The following EZH2 variants were observed in gnomAD, a reference collection of about 807,000 sequenced individuals.
EZH2 encodes the protein histone-lysine N-methyltransferase EZH2.
In EZH2, 18 loss-of-function variants were observed where a neutral mutation model predicts 98.4. That is an observed-to-expected ratio of 0.18 (90% CI 0.13 to 0.27). The LOEUF (loss-of-function observed/expected upper bound fraction) is 0.27, where lower values mean the gene tolerates loss of function less well. Ranked by LOEUF, EZH2 falls within the 10% of genes least tolerant of loss-of-function variation. The pLI is 1.00. For missense variants in EZH2, 470 were observed against 935.1 expected, an observed-to-expected ratio of 0.50 and a Z score of 6.49; for synonymous variants, 338 against 312.3, an observed-to-expected ratio of 1.08 and a Z score of -0.87.
chr7:148,839,433 C>A (rs1203663278), intron 3 of EZH2, among the ~76,000 whole-genome samples: 1 of 149,840 alleles, frequency 6.7e-6, no homozygotes, highest in Non-Finnish European at 1.5e-5. Context: ...AATTTATAAT[C>A]TTGAAGTGAA....
intron 3 of EZH2, among the ~76,000 whole-genome samples, chr7:148,835,976 G>T (rs890891417): frequency 1.3e-5 from 2 of 152,184 alleles, no homozygotes; most frequent in Non-Finnish European, 2.9e-5. Flanking sequence ...GGCACAGGCT[G>T]CAGCACTACG....
chr7:148,821,495 TA>T (rs757907378), intron 8 of EZH2, among the ~76,000 whole-genome samples: 7 of 152,172 alleles, frequency 4.6e-5, no homozygotes, highest in Non-Finnish European at 1.0e-4. Flanking sequence ...AACATACCAC[TA>T]ATTTTTTTTA....
intron 1 of EZH2, among the ~76,000 whole-genome samples, chr7:148,860,578 T>C (rs1013616733): frequency 2.6e-5 from 4 of 152,272 alleles, no homozygotes; most frequent in Admixed American, 6.5e-5. Context: ...CTTCAGCATT[T>C]TGGTCTCATG....
intron 8 of EZH2, among the ~76,000 whole-genome samples, chr7:148,820,214 T>G (rs914035502): frequency 3.9e-5 from 6 of 152,152 alleles, no homozygotes; most frequent in Non-Finnish European, 7.3e-5. Context: ...GGTGAGAGCT[T>G]ATAGTGTCTT....
At chr7:148,815,712 C>A (rs549125880) in intron 12 of EZH2, among the ~76,000 whole-genome samples, 166 bp from the exon 13 acceptor site, 50 of 152,352 alleles carry the variant, frequency 3.3e-4, no homozygotes, top group African/African-American at 1.1e-3. Flanking sequence ...GCAACTCAAA[C>A]AGCTTGATGG....
intron 1 of EZH2, among the ~76,000 whole-genome samples, chr7:148,880,998 AAAGT>A (rs1270248510): frequency 6.6e-6 from 1 of 152,228 alleles, no homozygotes; most frequent in Non-Finnish European, 1.5e-5. Flanking sequence ...TCCAGAAGGT[AAAGT>A]ATGTATCATC....
rs188278863 is a variant in EZH2 at position 148,869,843 on chromosome 7, T to A, written c.-8+14321A>T. Among the ~76,000 whole-genome samples the A allele has an allele frequency of 1.4e-4, 20 of 143,312 alleles. No homozygotes were observed. In the East Asian group the frequency reaches 3.9e-3, roughly 28 times the overall value. 94.0% of individuals were successfully genotyped at this position (143,312 alleles called of 152,430 possible). ...CCACAAAAGCTACGTGCCAAGGAAA[T>A]ACAACTAGTATAATGGCAGAGCCTC... On this transcript the variant is annotated intron_variant, in intron 1 of 19. Coordinates refer to ENST00000320356, the MANE Select transcript of EZH2 (RefSeq NM_004456.5).
chr7:148,850,765 A>G (rs1815532297), intron 1 of EZH2, among the ~76,000 whole-genome samples: 1 of 152,200 alleles, frequency 6.6e-6, no homozygotes, highest in Admixed American at 6.5e-5. Context: ...GCCCCCCGCC[A>G]ACCCCACAGC....
intron 8 of EZH2, 57 bp from the exon 9 acceptor site, chr7:148,819,744 C>T (rs1805488142): frequency 6.1e-6 from 9 of 1,471,548 alleles, no homozygotes; most frequent in Non-Finnish European, 7.6e-6. Context: ...TACTTTTTCA[C>T]TCTTCCAGTT....
Position 148,817,342 on chromosome 7 carries a change from T to C in EZH2, c.1290A>G (p.Glu430=). 1 of 1,611,982 alleles carries C rather than the reference T, an allele frequency of 6.2e-7. No individual in the cohort carries two copies. The highest frequency in any genetic ancestry group is 8.5e-7 in the Non-Finnish European group (1 of 1,179,222). The change falls in exon 11 of 20, where the codon GAA becomes GAG. Residue 430 remains glutamate, a synonymous_variant. Coordinates refer to ENST00000320356, the MANE Select transcript of EZH2 (RefSeq NM_004456.5). ...QTPIKMKPNI[E]PPENVEWSGA... Reference sequence around the variant, plus strand: ...CACTCCACTCCACATTCTCAGGAGGTTCAATATTTGGCTTCATCTTTATTG... The same window carrying C: ...CACTCCACTCCACATTCTCAGGAGGCTCAATATTTGGCTTCATCTTTATTG...
chr7:148,817,528 A>G, intron 10 of EZH2, 137 bp from the exon 11 acceptor site: 2 of 824,030 alleles, frequency 2.4e-6, no homozygotes, highest in Non-Finnish European at 3.7e-6. Flanking sequence ...AACCCATCGT[A>G]GTTCACATTT....
chr7:148,824,062 C>T (rs180773039), intron 8 of EZH2, among the ~76,000 whole-genome samples: 34 of 152,020 alleles, frequency 2.2e-4, no homozygotes, highest in Non-Finnish European at 4.0e-4. Context: ...CACCTGTAGT[C>T]CCAACACTTT....
chr7:148,810,270 C>G, intron 17 of EZH2, 63 bp downstream of exon 17: 2 of 1,267,200 alleles, frequency 1.6e-6, no homozygotes, highest in Non-Finnish European at 1.1e-6. Context: ...TCTGAACACT[C>G]GGCCGGCAGA....
chr7:148,862,927 T>TGTTTTG lies in EZH2; in HGVS notation c.-7-15623_-7-15622insCAAAAC, dbSNP rs928314024. 2.6e-4 allele frequency among the ~76,000 whole-genome samples: 39 copies of TGTTTTG among 151,376 alleles called. 1 individual carries two copies. The highest frequency in any genetic ancestry group is 5.8e-4 in the East Asian group (3 of 5,150). ...TGTTTGTTTTTGTTTTGTTTTGTTT[T>TGTTTTG]TTTAAAAAAAAGCAAGGAACAACTC... On this transcript the variant is annotated intron_variant, in intron 1 of 19. Coordinates refer to ENST00000320356, the MANE Select transcript of EZH2 (RefSeq NM_004456.5).
chr7:148,859,343 T>C (rs2129487916), intron 1 of EZH2, among the ~76,000 whole-genome samples: 1 of 152,062 alleles, frequency 6.6e-6, no homozygotes, highest in East Asian at 1.9e-4. Context: ...CCGTCTCTAC[T>C]AAAAATACAA....
At chr7:148,838,063 C>CTT (rs35838307) in intron 3 of EZH2, among the ~76,000 whole-genome samples, 6,272 of 100,314 alleles carry the variant, frequency 0.063, 326 homozygotes, top group Middle Eastern at 0.072. Flanking sequence ...GTTTAGACTC[C>CTT]TTTTTTTTTT....
intron 1 of EZH2, among the ~76,000 whole-genome samples, chr7:148,856,709 G>GAAATTCTCAGTGGCC (rs1434016692): frequency 6.6e-6 from 1 of 152,190 alleles, no homozygotes; most frequent in Non-Finnish European, 1.5e-5. Flanking sequence ...GCAAACAGAA[G>GAAATTCTCAGTGGCC]AAACTCTCAG....
intron 1 of EZH2, among the ~76,000 whole-genome samples, chr7:148,850,294 AG>A (rs1815371437): frequency 6.6e-6 from 1 of 152,208 alleles, no homozygotes; most frequent in Non-Finnish European, 1.5e-5. Context: ...CTGGGATTAC[AG>A]GTGTGAGCCA....
chr7:148,816,988 ACT>A, intron 11 of EZH2: 1 of 597,092 alleles, frequency 1.7e-6, no homozygotes, highest in African/African-American at 1.9e-5. Context: ...TTCAATTCTT[ACT>A]AGCTTTTAAA....
Sources: allele counts gnomAD v4.1 joint callset (sites outside exome capture counted in the v4.1 genomes callset), GRCh38; gene constraint gnomAD v4.1.1; transcripts MANE v1.5; gene names NCBI Gene and HGNC (gene_info 2026-07-23, HGNC 2026-07-21).